Variants in REPS1 observed in about 807,000 individuals in gnomAD.
REPS1 encodes the protein ralBP1-associated Eps domain-containing protein 1.
In REPS1, 39 loss-of-function variants were observed where a neutral mutation model predicts 100.9. The ratio of observed to expected loss-of-function variants is 0.39; its 90% CI spans 0.30 to 0.50. REPS1 has a LOEUF of 0.50. Among genes scored for constraint, REPS1 ranks in the 20% least tolerant of loss-of-function variants. The probability of loss-of-function intolerance (pLI) is 0.86; values close to 1 mark genes in which losing one functional copy is unlikely to be tolerated. For missense variants in REPS1, 821 were observed against 968.5 expected, an observed-to-expected ratio of 0.85 and a Z score of 2.02; for synonymous variants, 324 against 340.3, an observed-to-expected ratio of 0.95 and a Z score of 0.53.
At position 138,988,229 on chromosome 6, in the gene REPS1, C is replaced by T. The variant is rs560361975; in HGVS notation, c.-547G>A. 408 of 398,524 alleles carry T rather than the reference C, an allele frequency of 1.0e-3. 2 individuals carry two copies. The highest frequency in any genetic ancestry group is 1.4e-3 in the Non-Finnish European group (325 of 226,066). The allele number at this position is 398,524 out of a possible 1,614,324, so 24.7% of individuals were successfully genotyped here. The stretch of plus-strand genomic sequence containing the variant: ...CCATTTACAGTGCCCCGGCCCGGCC[C>T]CGACGCGCCCGCACCAACAGTGACA... On this transcript the variant is annotated 5_prime_UTR_variant, in exon 1 of 20. Coordinates refer to ENST00000450536, the MANE Select transcript of REPS1 (RefSeq NM_001286611.2).
chr6:138,973,444 T>C (rs1411021452), intron 1 of REPS1, among the ~76,000 whole-genome samples: 1 of 151,842 alleles, frequency 6.6e-6, no homozygotes, highest in African/African-American at 2.4e-5. Flanking sequence ...TTGCTCTGGA[T>C]CCCAAGAAAA....
intron 8 of REPS1, among the ~76,000 whole-genome samples, chr6:138,938,686 T>A (rs532503055): frequency 1.3e-5 from 2 of 152,196 alleles, no homozygotes; most frequent in African/African-American, 4.8e-5. Flanking sequence ...AATTAGCATG[T>A]AGAAAATGCT....
At chr6:138,921,622 G>T (rs1294239975) in intron 10 of REPS1, among the ~76,000 whole-genome samples, 2 of 134,568 alleles carry the variant, frequency 1.5e-5, no homozygotes, top group African/African-American at 5.7e-5. Flanking sequence ...TGTTGCCCAG[G>T]CTGGAGTACA....
intron 13 of REPS1, 64 bp downstream of exon 13, chr6:138,917,491 T>C: frequency 2.4e-6 from 3 of 1,242,562 alleles, no homozygotes; most frequent in Non-Finnish European, 2.4e-6. Context: ...TGGTTCTAAA[T>C]AGTTTTAAAC....
chr6:138,955,721 G>A (rs1783343834), intron 1 of REPS1, among the ~76,000 whole-genome samples: 1 of 151,968 alleles, frequency 6.6e-6, no homozygotes, highest in African/African-American at 2.4e-5. Flanking sequence ...AGATAAACTA[G>A]ACTGTAGTTC....
At chr6:138,965,351 C>T (rs1281591703) in intron 1 of REPS1, among the ~76,000 whole-genome samples, 1 of 150,978 alleles carries the variant, frequency 6.6e-6, no homozygotes, top group Non-Finnish European at 1.5e-5. Flanking sequence ...ACAACAACAA[C>T]AACGACAAAA....
At chr6:138,935,570 G>A (rs1033751459) in intron 8 of REPS1, among the ~76,000 whole-genome samples, 1 of 151,980 alleles carries the variant, frequency 6.6e-6, no homozygotes, top group Non-Finnish European at 1.5e-5. Context: ...AAGAATGAAA[G>A]AAAAAGTGGT....
At chr6:138,943,255 T>A (rs1312751894) in intron 7 of REPS1, among the ~76,000 whole-genome samples, 1 of 152,208 alleles carries the variant, frequency 6.6e-6, no homozygotes, top group Non-Finnish European at 1.5e-5. Flanking sequence ...AACTTTTATC[T>A]CATACATTAT....
At chr6:138,908,882 C>T (rs1357379226) in intron 17 of REPS1, 66 bp from the exon 18 acceptor site, 5 of 1,457,030 alleles carry the variant, frequency 3.4e-6, no homozygotes, top group Non-Finnish European at 4.7e-6. Context: ...CACTTTGCAA[C>T]ACCATTTGCT....
At chr6:138,914,227 A>AC (rs1780205002) in intron 15 of REPS1, among the ~76,000 whole-genome samples, 1 of 150,402 alleles carries the variant, frequency 6.6e-6, no homozygotes, top group Admixed American at 6.6e-5. Flanking sequence ...ACACCACCAC[A>AC]CCCAGCTAAT....
At chr6:138,980,503 C>T (rs1784880290) in intron 1 of REPS1, among the ~76,000 whole-genome samples, 1 of 151,990 alleles carries the variant, frequency 6.6e-6, no homozygotes, top group Non-Finnish European at 1.5e-5. Context: ...AGCCTCAGGC[C>T]CTTCCCAGTT....
At chr6:138,942,680 A>C (rs1782339687) in intron 7 of REPS1, among the ~76,000 whole-genome samples, 1 of 151,966 alleles carries the variant, frequency 6.6e-6, no homozygotes, top group African/African-American at 2.4e-5. Context: ...GGGCTCAAGC[A>C]ATCTGCCTGC....
chr6:138,973,269 T>C (rs953601739), intron 1 of REPS1, among the ~76,000 whole-genome samples: 19 of 152,142 alleles, frequency 1.2e-4, no homozygotes, highest in African/African-American at 4.6e-4. Context: ...AAAAATTATT[T>C]CAAAGACCTT....
Position 138,904,450 on chromosome 6 carries a change from G to A in REPS1, c.*614C>T, listed in dbSNP as rs987818575. ...TCTCATAAAATAGTTCGAAGTCGCTGATGAAGTTGATCACATTTCCACAAG... is the reference window on the plus strand; with the variant it reads ...TCTCATAAAATAGTTCGAAGTCGCTAATGAAGTTGATCACATTTCCACAAG... On this transcript the variant is annotated 3_prime_UTR_variant, in exon 20 of 20. Transcript: ENST00000450536. 7 of 152,180 alleles carry A rather than the reference G, an allele frequency of 4.6e-5. No individual in the cohort carries two copies. Among genetic ancestry groups the A allele is most frequent in the African/African-American group, 1.7e-4 (7 of 41,440 alleles). 9.4% of individuals were successfully genotyped at this position (152,180 alleles called of 1,614,324 possible). A position where few individuals can be genotyped will look rare whatever the true frequency, so the allele number is the denominator to read the frequency against.
intron 1 of REPS1, among the ~76,000 whole-genome samples, chr6:138,972,174 G>C (rs924585175): frequency 1.3e-5 from 2 of 152,140 alleles, no homozygotes; most frequent in Admixed American, 1.3e-4. Flanking sequence ...GAGTGAAGTT[G>C]TTCAAATTAA....
In REPS1 at chr6:138,933,092, A is replaced by G. The variant is rs368791300; in HGVS notation, c.1136-2994T>C. Among the ~76,000 whole-genome samples the G allele has an allele frequency of 2.0e-5, 3 of 152,388 alleles. 1 individual carries two copies. On this transcript the variant is annotated intron_variant, in intron 8 of 19. Transcript: ENST00000450536. ...TAAAATCAAGTTAAAGTACAAAAAA[A>G]TGCATTAAAGTGGCTTCAGTTTCCA...
rs370677597 is a variant in REPS1 at position 138,980,288 on chromosome 6, G to C, written c.153+7242C>G. Among the ~76,000 whole-genome samples the C allele has an allele frequency of 2.0e-5, 3 of 152,214 alleles. 1 individual carries two copies. Reference sequence around the variant, plus strand: ...GCGTATCTGCTTCCACTTGCCCCCAGTATTCTTTTTGCTCATACAGCAGTC... The same window carrying C: ...GCGTATCTGCTTCCACTTGCCCCCACTATTCTTTTTGCTCATACAGCAGTC... On this transcript the variant is annotated intron_variant, in intron 1 of 19. Transcript: ENST00000450536.
At chr6:138,948,296 A>G (rs1782771495) in intron 1 of REPS1, among the ~76,000 whole-genome samples, 1 of 152,224 alleles carries the variant, frequency 6.6e-6, no homozygotes, top group African/African-American at 2.4e-5. Flanking sequence ...TTTAAATGAT[A>G]TAACAACATG....
chr6:138,941,368 T>G lies in REPS1; in HGVS notation c.1102A>C (p.Met368Leu). Residue 368 changes from methionine (M) to leucine (L), a missense_variant, in exon 8 of 20, where the codon ATG (methionine) becomes CTG (leucine). Transcript: ENST00000450536. ...DLPEKLPESL[M>L]PKLIDLEDSA... ...TCTTCCAAATCAATCAGTTTGGGCA[T>G]TAAGCTTTCAGGAAGTTTTTCTGGT... is the stretch of plus-strand genomic sequence containing the variant. 1 of 1,614,100 alleles carries G rather than the reference T, an allele frequency of 6.2e-7. No homozygotes were observed. The highest frequency in any genetic ancestry group is 1.7e-4 in the Middle Eastern group (1 of 6,060).
Sources: gnomAD v4.1 joint callset for allele counts (sites outside exome capture counted in the v4.1 genomes callset) on GRCh38, gnomAD v4.1.1 for gene constraint, MANE v1.5 for transcripts, NCBI Gene and HGNC (gene_info 2026-07-23, HGNC 2026-07-21) for gene names.